Variants in FBRSL1 observed in about 807,000 individuals in gnomAD.
FBRSL1 encodes the protein fibrosin like 1, also known as fibrosin-1-like protein.
FBRSL1 carries 51 observed loss-of-function variants against 89.6 expected under a neutral mutation model. The ratio of observed to expected loss-of-function variants is 0.57; its 90% confidence interval spans 0.45 to 0.72. The LOEUF (loss-of-function observed/expected upper bound fraction) is 0.72, where lower values mean the gene tolerates loss of function less well. Among genes scored for constraint, FBRSL1 ranks in the 30% least tolerant of loss-of-function variants. FBRSL1 has a pLI of 0.00. For synonymous variants in FBRSL1, 779 were observed against 681.1 expected (o/e 1.14, Z -2.24); for missense variants, 1,618 against 1,451.8 (o/e 1.11, Z -1.86).
intron 1 of FBRSL1, among the ~76,000 whole-genome samples, chr12:132,494,897 C>T (rs1310308050): frequency 7.2e-5 from 11 of 152,238 alleles, no homozygotes; most frequent in African/African-American, 2.4e-4. Context: ...GCATAAACCA[C>T]AGGACATGCA....
At chr12:132,552,941 G>A (rs1332359612) in intron 5 of FBRSL1, 2 of 156,668 alleles carry the variant, frequency 1.3e-5, no homozygotes, top group African/African-American at 4.8e-5. Flanking sequence ...AGTCCAGTGT[G>A]CGGGCCGCGC....
At chr12:132,575,768 G>A (rs145462648) in intron 14 of FBRSL1, among the ~76,000 whole-genome samples, 6 of 152,374 alleles carry the variant, frequency 3.9e-5, no homozygotes, top group East Asian at 3.9e-4. Context: ...CTGCCCCCAC[G>A]TAGTGCCAGA....
intron 5 of FBRSL1, among the ~76,000 whole-genome samples, chr12:132,549,376 C>T (rs909818571): frequency 3.9e-5 from 6 of 152,150 alleles, no homozygotes; most frequent in African/African-American, 1.4e-4. Context: ...CCGCGTGGCT[C>T]CGCGTGGCCC....
In FBRSL1 at chr12:132,570,221, C is replaced by A; in HGVS notation, c.987C>A (p.Ala329=). The A allele has an allele frequency of 6.7e-7, 1 of 1,499,576 alleles. No individual in the cohort carries two copies. The allele number at this position is 1,499,576 out of a possible 1,614,324, so 92.9% of individuals were successfully genotyped here. A position where few individuals can be genotyped will look rare whatever the true frequency, so the allele number is the denominator to read the frequency against. The change falls in exon 7 of 19, where the codon GCC becomes GCA. Residue 329 remains alanine, a synonymous_variant. Transcript: ENST00000680143. ...TCGCGGGCCACAGCCAGGCGGCAGCCAACGGCCTGCACGGCCTCAGGTGGG... is the reference window on the plus strand; with the variant it reads ...TCGCGGGCCACAGCCAGGCGGCAGCAAACGGCCTGCACGGCCTCAGGTGGG... ...GAFAGHSQAA[A]NGLHGLSRSS... is the part of the protein sequence containing the mutation.
Position 132,574,070 on chromosome 12 carries a change from C to G in FBRSL1, c.1531-20C>G. 1 of 1,268,378 alleles carries G rather than the reference C, an allele frequency of 7.9e-7. No homozygotes were observed. Among genetic ancestry groups the G allele is most frequent in the Non-Finnish European group, 9.9e-7 (1 of 1,005,898 alleles). The allele number at this position is 1,268,378 out of a possible 1,614,324, so 78.6% of individuals were successfully genotyped here. A position where few individuals can be genotyped will look rare whatever the true frequency, so the allele number is the denominator to read the frequency against. ...CTGGGCGGCCCCAGGCGCACACAAG[C>G]TGTCTCTTTCTCCCCTCAGACTTCA... On this transcript the variant is annotated intron_variant, in intron 11 of 18. Transcript: ENST00000680143.
At chr12:132,580,617 C>G (rs993292131) in intron 15 of FBRSL1, among the ~76,000 whole-genome samples, 1 of 152,218 alleles carries the variant, frequency 6.6e-6, no homozygotes, top group African/African-American at 2.4e-5. Flanking sequence ...GTCTTCCTCT[C>G]TAGTTTAGAA....
At chr12:132,530,703 G>C (rs1222939134) in intron 4 of FBRSL1, among the ~76,000 whole-genome samples, 1 of 146,414 alleles carries the variant, frequency 6.8e-6, no homozygotes, top group Admixed American at 6.7e-5. Flanking sequence ...ACAAGTGACA[G>C]ATGGCGGGGT....
At chr12:132,571,639 C>T (rs1433427063) in intron 9 of FBRSL1, 8 of 723,524 alleles carry the variant, frequency 1.1e-5, no homozygotes, top group Non-Finnish European at 1.6e-5. Flanking sequence ...GGTGGGGGGC[C>T]GGCGGCACCT....
intron 1 of FBRSL1, among the ~76,000 whole-genome samples, chr12:132,492,644 A>G (rs536909775): frequency 6.6e-6 from 1 of 152,330 alleles, no homozygotes; most frequent in Admixed American, 6.5e-5. Flanking sequence ...CTGCTCTGGC[A>G]GGGTCACGTG....
At chr12:132,545,107 TG>T (rs1405806578) in intron 4 of FBRSL1, among the ~76,000 whole-genome samples, 2 of 152,072 alleles carry the variant, frequency 1.3e-5, no homozygotes, top group Non-Finnish European at 2.9e-5. Context: ...TCGCCCAGTG[TG>T]GGGCAGTGCG....
At chr12:132,521,354 G>T (rs191744991) in intron 2 of FBRSL1, among the ~76,000 whole-genome samples, 2 of 152,316 alleles carry the variant, frequency 1.3e-5, no homozygotes, top group Non-Finnish European at 2.9e-5. Flanking sequence ...CTGCAGGGGC[G>T]TCGCGTTCCC....
chr12:132,508,382 G>A, intron 2 of FBRSL1, 32 bp downstream of exon 2: 1 of 1,408,288 alleles, frequency 7.1e-7, no homozygotes, highest in Non-Finnish European at 9.4e-7. Context: ...CGGAAGCTCT[G>A]CGGCGGGTCA....
At chr12:132,561,730 C>T (rs1015525639) in intron 5 of FBRSL1, among the ~76,000 whole-genome samples, 2 of 152,310 alleles carry the variant, frequency 1.3e-5, no homozygotes, top group South Asian at 2.1e-4. Context: ...GAAGAGGGCC[C>T]GCGTGCGTGC....
intron 1 of FBRSL1, among the ~76,000 whole-genome samples, chr12:132,503,952 G>C (rs1285241184): frequency 6.6e-6 from 1 of 152,182 alleles, no homozygotes; most frequent in Non-Finnish European, 1.5e-5. Flanking sequence ...GAAGACCCCT[G>C]GGGGCTCCCT....
intron 2 of FBRSL1, among the ~76,000 whole-genome samples, chr12:132,514,446 C>G (rs1275238302): frequency 6.6e-6 from 1 of 152,198 alleles, no homozygotes; most frequent in Non-Finnish European, 1.5e-5. Context: ...TTGACCAGGC[C>G]GAGGCCACCG....
At chr12:132,577,240 C>A (rs924380017) in intron 15 of FBRSL1, among the ~76,000 whole-genome samples, 1 of 152,006 alleles carries the variant, frequency 6.6e-6, no homozygotes, top group Non-Finnish European at 1.5e-5. Flanking sequence ...CTTCAGCCCA[C>A]GCCACACGGC....
chr12:132,535,225 T>A (rs1412921351), intron 4 of FBRSL1, among the ~76,000 whole-genome samples: 1 of 152,236 alleles, frequency 6.6e-6, no homozygotes, highest in East Asian at 1.9e-4. Context: ...AACACGAGAA[T>A]ATATTAATAC....
intron 1 of FBRSL1, among the ~76,000 whole-genome samples, chr12:132,496,966 C>A (rs1377396032): frequency 1.3e-5 from 2 of 152,260 alleles, no homozygotes; most frequent in African/African-American, 4.8e-5. Flanking sequence ...GTGTTGCTGT[C>A]AGGCTGTCCG....
At chr12:132,505,856 G>A (rs991203607) in intron 1 of FBRSL1, among the ~76,000 whole-genome samples, 4 of 152,268 alleles carry the variant, frequency 2.6e-5, no homozygotes, top group African/African-American at 9.6e-5. Flanking sequence ...CTTTCCCACC[G>A]TCTTAAGGTA....
Sources: gnomAD v4.1 joint callset for allele counts (sites outside exome capture counted in the v4.1 genomes callset) on GRCh38, gnomAD v4.1.1 for gene constraint, MANE v1.5 for transcripts, NCBI Gene and HGNC (gene_info 2026-07-23, HGNC 2026-07-21) for gene names.